Variants in TTF2 observed in about 807,000 individuals in gnomAD.
TTF2 encodes the protein transcription termination factor 2.
In TTF2, 108 loss-of-function variants were observed where a neutral mutation model predicts 142.4. That is an observed-to-expected ratio of 0.76 (90% confidence interval 0.65 to 0.89). The LOEUF is 0.89. Among genes scored for constraint, TTF2 ranks in the 40% least tolerant of loss-of-function variants. TTF2 has a pLI of 0.00. For missense variants in TTF2, 1,327 were observed against 1,379.8 expected (o/e 0.96, Z 0.61); for synonymous variants, 483 against 506.2 (o/e 0.95, Z 0.61).
At chr1:117,078,415 T>A (rs1042935236) in intron 8 of TTF2, among the ~76,000 whole-genome samples, 1 of 152,210 alleles carries the variant, frequency 6.6e-6, no homozygotes, top group African/African-American at 2.4e-5. Flanking sequence ...TAATATACTA[T>A]AAAGTACAAA....
intron 10 of TTF2, among the ~76,000 whole-genome samples, chr1:117,083,467 GGTAGAA>G (rs528884550): frequency 1.5e-3 from 233 of 152,200 alleles, no homozygotes; most frequent in African/African-American, 5.5e-3. Flanking sequence ...TTAATTTTAA[GGTAGAA>G]GTACATTAAG....
In TTF2 at chr1:117,074,970, T is replaced by C. The variant is rs945359956; in HGVS notation, c.386T>C (p.Leu129Pro). ...SNWLRNPFKV[L>P]DKNQEPALWK... ...TGGCTGAGAAATCCATTCAAGGTAC[T>C]TGACAAGAATCAAGAACCAGCTCTC... The change falls in exon 5 of 23, where the codon CTT becomes CCT. Residue 129 changes from leucine (L) to proline (P), a missense_variant. Transcript: ENST00000369466. The C allele has an allele frequency of 6.2e-7, 1 of 1,613,874 alleles. No homozygotes were observed. The highest frequency in any genetic ancestry group is 1.3e-5 in the African/African-American group (1 of 74,826).
intron 3 of TTF2, among the ~76,000 whole-genome samples, chr1:117,071,218 A>G (rs893714948): frequency 2.6e-5 from 4 of 152,152 alleles, no homozygotes; most frequent in Admixed American, 2.6e-4. Context: ...TCCTTGTGCC[A>G]CTGCTTTTAA....
Position 117,092,894 on chromosome 1 carries a change from G to A in TTF2, c.2969G>A (p.Ser990Asn). Reference sequence around the variant, plus strand: ...GAGCTTTTTGAAGGCATGCGAGAGAGCACCAAGGTACTTTTTGTCTCCTCT... The same window carrying A: ...GAGCTTTTTGAAGGCATGCGAGAGAACACCAAGGTACTTTTTGTCTCCTCT... Reference protein sequence around the residue: ...KMELFEGMRESTKISSLLAEL... With the variant: ...KMELFEGMRENTKISSLLAEL... Residue 990 changes from serine to asparagine, a missense_variant, in exon 18 of 23, where the codon AGC becomes AAC. Transcript: ENST00000369466. This position sits in a 1 kb window ranked among gnomAD's most constrained non-coding sequence, Gnocchi z 4.4. The A allele has an allele frequency of 6.2e-7, 1 of 1,614,176 alleles. No individual in the cohort carries two copies. The highest frequency in any genetic ancestry group is 8.5e-7 in the Non-Finnish European group (1 of 1,180,040).
rs1649709822 is a variant in TTF2, at chr1:117,103,050, T to G, written c.*1526T>G. ...CTTTCCAAAAGATCATTCATGCTGT[T>G]TCTTCCCTCCTCAGCCTATGGGATG... is the stretch of plus-strand genomic sequence containing the variant. On this transcript the variant is annotated 3_prime_UTR_variant, in exon 23 of 23. Transcript: ENST00000369466. 6.6e-6 allele frequency: 1 copy of G among 152,224 alleles called. No individual in the cohort carries two copies. Among genetic ancestry groups the G allele is most frequent in the African/African-American group, 2.4e-5 (1 of 41,462 alleles). The allele number at this position is 152,224 out of a possible 1,614,324, so 9.4% of individuals were successfully genotyped here.
At position 117,079,569 on chromosome 1, in the gene TTF2, TC is replaced by T. The variant is rs1178902305; in HGVS notation, c.1706del (p.Pro569LeufsTer32). On this transcript the variant is annotated frameshift_variant and splice_region_variant, in exon 9 of 23. Transcript: ENST00000369466. LOFTEE classifies it high-confidence loss of function. This position sits in a 1 kb window ranked among gnomAD's most constrained non-coding sequence, Gnocchi z 4.2. ...GCATTTGGTTATTACCTTTGTCAGG[TC>T]CCTTTGCTACTACACCAGAAGCAGG... ...VVAEDPAGLK[V>X]PLLLHQKQAL... is the part of the protein sequence containing the mutation. 1 of 1,614,190 alleles carries T rather than the reference TC, an allele frequency of 6.2e-7. No individual in the cohort carries two copies. Among genetic ancestry groups the T allele is most frequent in the Admixed American group, 1.7e-5 (1 of 60,032 alleles).
intron 12 of TTF2, among the ~76,000 whole-genome samples, chr1:117,088,478 A>G (rs1353940175): frequency 5.3e-5 from 8 of 152,076 alleles, no homozygotes; most frequent in Admixed American, 5.2e-4. Context: ...CGGAGCTTGC[A>G]GTGAGCCGAG....
chr1:117,076,300 G>T lies in TTF2; in HGVS notation c.1390+6G>T. 8.1e-6 allele frequency: 13 copies of T among 1,611,556 alleles called. No homozygotes were observed. Among genetic ancestry groups the T allele is most frequent in the Non-Finnish European group, 1.1e-5 (13 of 1,178,366 alleles). The stretch of plus-strand genomic sequence containing the variant: ...TACCCTTTCCCCAGAGCAAGGTAAA[G>T]TGGCTTATGCCTCAGAACTCCGGGT... On this transcript the variant is annotated splice_donor_region_variant and intron_variant, in intron 6 of 22. Coordinates refer to ENST00000369466, the MANE Select transcript of TTF2 (RefSeq NM_003594.4). The surrounding 1 kb of genome is among the most constrained non-coding windows in gnomAD (Gnocchi z 4.6).
At chr1:117,072,031 T>C (rs1048827636) in intron 3 of TTF2, among the ~76,000 whole-genome samples, 47 of 152,094 alleles carry the variant, frequency 3.1e-4, no homozygotes, top group South Asian at 6.2e-4. Context: ...GGTAGACAGA[T>C]TGGGATGATG....
At position 117,084,092 on chromosome 1, in the gene TTF2, G is replaced by T; in HGVS notation, c.1978G>T (p.Val660Leu). 1 of 1,614,148 alleles carries T rather than the reference G, an allele frequency of 6.2e-7. No homozygotes were observed. Among genetic ancestry groups the T allele is most frequent in the East Asian group, 2.2e-5 (1 of 44,876 alleles). ...CCTGATCCATCATTGGAAAAATGAGGTGGAGAAACGGGTGAACAGCAACAA... is the reference window on the plus strand; with the variant it reads ...CCTGATCCATCATTGGAAAAATGAGTTGGAGAAACGGGTGAACAGCAACAA... ...ASLIHHWKNE[V>L]EKRVNSNKLR... The change falls in exon 11 of 23, where the codon GTG becomes TTG. Residue 660 changes from valine (V) to leucine (L), a missense_variant. Physicochemically the swap from Val to Leu is conservative, Grantham distance 32. Transcript: ENST00000369466.
In TTF2 at chr1:117,077,947, G is replaced by T; in HGVS notation, c.1605G>T (p.Val535=). ...GHTNQDHVHA[V]WKITSEAIGQ... ...CAAACCAAGATCACGTTCATGCAGTGTGGAAAATCACAAGTGAAGCCATCG... is the reference window on the plus strand; with the variant it reads ...CAAACCAAGATCACGTTCATGCAGTTTGGAAAATCACAAGTGAAGCCATCG... Residue 535 remains valine (V), a synonymous_variant, in exon 8 of 23, where the codon GTG becomes GTT. Transcript: ENST00000369466. 1 of 1,614,210 alleles carries T rather than the reference G, an allele frequency of 6.2e-7. No homozygotes were observed. The highest frequency in any genetic ancestry group is 8.5e-7 in the Non-Finnish European group (1 of 1,180,038).
rs1648039689 is a variant in TTF2, at chr1:117,086,614, C to T, written c.2160+92C>T. ...AGCCTCCACGATAGCAAGAGGACCT[C>T]CCTGGAGGTCAGGAATGCTGTAAAT... On this transcript the variant is annotated intron_variant, in intron 12 of 22. Coordinates refer to ENST00000369466, the MANE Select transcript of TTF2 (RefSeq NM_003594.4). This position sits in a 1 kb window ranked among gnomAD's most constrained non-coding sequence, Gnocchi z 4.2. The T allele has an allele frequency of 1.2e-6, 1 of 849,138 alleles. No homozygotes were observed. Among genetic ancestry groups the T allele is most frequent in the Non-Finnish European group, 2.0e-6 (1 of 512,556 alleles). The allele number at this position is 849,138 out of a possible 1,614,324, so 52.6% of individuals were successfully genotyped here.
rs942430148 is a variant in TTF2 at position 117,080,411 on chromosome 1, T to C, written c.1783+762T>C. 6.6e-6 allele frequency among the ~76,000 whole-genome samples: 1 copy of C among 152,212 alleles called. No homozygotes were observed. The highest frequency in any genetic ancestry group is 1.5e-5 in the Non-Finnish European group (1 of 68,038). ...GTCAGTTGTTTCTATAGCCACTGTT[T>C]CCTGCAGAAAGGATTTCATAGGGAG... On this transcript the variant is annotated intron_variant, in intron 9 of 22. Transcript: ENST00000369466. The surrounding 1 kb of genome is among the most constrained non-coding windows in gnomAD (Gnocchi z 4.3).
chr1:117,088,794 C>T lies in TTF2; in HGVS notation c.2161-7C>T, dbSNP rs755309333. ...TTGTGGCTGGATTTCACTTGTGATT[C>T]TTCCAGGGCACCTCAACACCTTTGC... On this transcript the variant is annotated splice_region_variant and splice_polypyrimidine_tract_variant and intron_variant, in intron 12 of 22. Coordinates refer to ENST00000369466, the MANE Select transcript of TTF2 (RefSeq NM_003594.4). 1.2e-6 allele frequency: 2 copies of T among 1,610,860 alleles called. No individual in the cohort carries two copies. The highest frequency in any genetic ancestry group is 8.5e-7 in the Non-Finnish European group (1 of 1,178,706).
Position 117,082,321 on chromosome 1 carries a change from T to C in TTF2, c.1903+374T>C, listed in dbSNP as rs1413991617. Among the ~76,000 whole-genome samples the C allele has an allele frequency of 2.0e-5, 3 of 152,158 alleles. No homozygotes were observed. The East Asian group carries it at 5.8e-4, about 29-fold the overall frequency. The stretch of plus-strand genomic sequence containing the variant: ...TAAACCTCCTTGGCTCAAGCGATCC[T>C]CCCACCTCAGCCTCCCAAGTAGCTG... On this transcript the variant is annotated intron_variant, in intron 10 of 22. Coordinates refer to ENST00000369466, the MANE Select transcript of TTF2 (RefSeq NM_003594.4).
intron 12 of TTF2, 58 bp from the exon 13 acceptor site, chr1:117,088,743 C>G (rs1648263303): frequency 6.4e-7 from 1 of 1,574,442 alleles, no homozygotes; most frequent in Non-Finnish European, 8.6e-7. Context: ...CCCTTGTGTC[C>G]TTAAGGACAT....
intron 12 of TTF2, among the ~76,000 whole-genome samples, chr1:117,088,422 G>A (rs1384739082): frequency 2.6e-5 from 4 of 152,006 alleles, no homozygotes; most frequent in Admixed American, 2.0e-4. Flanking sequence ...CTGTGGTCCC[G>A]GCTGCTCGGG....
At position 117,086,364 on chromosome 1, in the gene TTF2, A is replaced by T; in HGVS notation, c.2055-53A>T. The T allele has an allele frequency of 7.5e-7, 1 of 1,337,602 alleles. No individual in the cohort carries two copies. The highest frequency in any genetic ancestry group is 1.7e-5 in the Admixed American group (1 of 58,328). 82.9% of individuals were successfully genotyped at this position (1,337,602 alleles called of 1,614,324 possible). A position where few individuals can be genotyped will look rare whatever the true frequency, so the allele number is the denominator to read the frequency against. ...TTGAAAGATCAACTCTGCCTCTCTCATTGTCCCTCTATAGTGGGACCATTT... is the reference window on the plus strand; with the variant it reads ...TTGAAAGATCAACTCTGCCTCTCTCTTTGTCCCTCTATAGTGGGACCATTT... On this transcript the variant is annotated intron_variant, in intron 11 of 22. Coordinates refer to ENST00000369466, the MANE Select transcript of TTF2 (RefSeq NM_003594.4). This position sits in a 1 kb window ranked among gnomAD's most constrained non-coding sequence, Gnocchi z 4.2.
In TTF2 at chr1:117,070,732, A is replaced by G. The variant is rs1455522595; in HGVS notation, c.219-2929A>G. On this transcript the variant is annotated intron_variant, in intron 3 of 22. Transcript: ENST00000369466. This position sits in a 1 kb window ranked among gnomAD's most constrained non-coding sequence, Gnocchi z 4.2. ...ATATCCTATTGCAATGAGAAAAATT[A>G]AAGAAACCAGTAAGATTTTAAAAAT... Among the ~76,000 whole-genome samples, 2 of 152,198 alleles carry G rather than the reference A, an allele frequency of 1.3e-5. No homozygotes were observed. Among genetic ancestry groups the G allele is most frequent in the Non-Finnish European group, 2.9e-5 (2 of 68,032 alleles).
Sources: allele counts gnomAD v4.1 joint callset (sites outside exome capture counted in the v4.1 genomes callset), GRCh38; gene constraint gnomAD v4.1.1; non-coding constraint Gnocchi (gnomAD v3.1); transcripts MANE v1.5; gene names NCBI Gene and HGNC (gene_info 2026-07-23, HGNC 2026-07-21).